The following EPS8 variants were observed in gnomAD, a reference collection of about 807,000 sequenced individuals.
The protein encoded by EPS8 is EGFR pathway substrate 8, signaling adaptor.
Under a neutral mutation model 103.8 loss-of-function variants are expected in EPS8, and 42 were observed. The observed-to-expected ratio is 0.40, with a 90% CI of 0.32 to 0.52. The LOEUF (loss-of-function observed/expected upper bound fraction) is 0.52, where lower values mean the gene tolerates loss of function less well. Among genes scored for constraint, EPS8 ranks in the 20% least tolerant of loss-of-function variants. The pLI, the probability that EPS8 is intolerant of heterozygous loss-of-function variation, is 0.40. For missense variants in EPS8, 969 were observed against 1,005.1 expected, an observed-to-expected ratio of 0.96 and a Z score of 0.49; for synonymous variants, 344 against 344.6, an observed-to-expected ratio of 1.00 and a Z score of 0.02.
intron 14 of EPS8, 115 bp downstream of exon 14, chr12:15,650,708 C>CT: frequency 1.1e-6 from 1 of 885,606 alleles, no homozygotes; most frequent in South Asian, 1.8e-5. Flanking sequence ...AACATTCAGA[C>CT]TTTGATTCTA....
At chr12:15,631,155 T>C (rs1469052035) in intron 18 of EPS8, among the ~76,000 whole-genome samples, 2 of 152,198 alleles carry the variant, frequency 1.3e-5, no homozygotes, top group African/African-American at 4.8e-5. Context: ...CTGGCAAGTG[T>C]TGTTTTGGTA....
At chr12:15,666,072 TAGTC>T (rs1212611701) in intron 7 of EPS8, among the ~76,000 whole-genome samples, 180 bp from the exon 8 acceptor site, 6 of 152,194 alleles carry the variant, frequency 3.9e-5, no homozygotes, top group African/African-American at 7.2e-5. Flanking sequence ...AAAAAATTAA[TAGTC>T]AGCTGAAAAC....
chr12:15,638,286 A>C (rs1945171051), intron 17 of EPS8, among the ~76,000 whole-genome samples: 1 of 152,102 alleles, frequency 6.6e-6, no homozygotes, highest in Non-Finnish European at 1.5e-5. Context: ...TTTTTAAAGA[A>C]TATATTATAA....
At chr12:15,654,106 A>C in intron 13 of EPS8, 39 bp downstream of exon 13, 1 of 1,582,482 alleles carries the variant, frequency 6.3e-7, no homozygotes, top group South Asian at 1.1e-5. Context: ...TAATTAACAA[A>C]GAATGGTACT....
At chr12:15,710,532 A>T (rs562668182) in intron 1 of EPS8, among the ~76,000 whole-genome samples, 2 of 152,324 alleles carry the variant, frequency 1.3e-5, no homozygotes, top group African/African-American at 4.8e-5. Flanking sequence ...TTTAGAAAAT[A>T]TATTGAGCAT....
chr12:15,749,655 G>T lies in EPS8; in HGVS notation c.-22+39506C>A, dbSNP rs1946910969. 6.6e-6 allele frequency among the ~76,000 whole-genome samples: 1 copy of T among 152,110 alleles called. No homozygotes were observed. Among genetic ancestry groups the T allele is most frequent in the African/African-American group, 2.4e-5 (1 of 41,402 alleles). On this transcript the variant is annotated intron_variant, in intron 1 of 20. Coordinates refer to ENST00000281172, the MANE Select transcript of EPS8 (RefSeq NM_004447.6). This position sits in a 1 kb window ranked among gnomAD's most constrained non-coding sequence, Gnocchi z 4.0. ...ATTATGATAGTGGTAGTGGTAGGAA[G>T]AAAAATTAACCTAATCAAAACAACA...
intron 1 of EPS8, among the ~76,000 whole-genome samples, chr12:15,726,852 A>G (rs565521026): frequency 1.3e-5 from 2 of 152,326 alleles, no homozygotes; most frequent in African/African-American, 4.8e-5. Context: ...TGAAGCAGAA[A>G]TGATTACTCC....
intron 20 of EPS8, among the ~76,000 whole-genome samples, chr12:15,622,583 T>C (rs927297147): frequency 7.9e-5 from 12 of 152,178 alleles, no homozygotes; most frequent in African/African-American, 2.7e-4. Flanking sequence ...AATAGGATAT[T>C]GGAAGCTTAA....
chr12:15,708,822 A>G (rs1946422740), intron 1 of EPS8, among the ~76,000 whole-genome samples: 1 of 152,242 alleles, frequency 6.6e-6, no homozygotes, highest in African/African-American at 2.4e-5. Context: ...TGTAGTCACT[A>G]TCTACAAAGC....
At chr12:15,627,860 A>G (rs1446159768) in intron 18 of EPS8, among the ~76,000 whole-genome samples, 4 of 152,204 alleles carry the variant, frequency 2.6e-5, no homozygotes, top group African/African-American at 9.6e-5. Flanking sequence ...TTCAAGAAAT[A>G]AGAACAATCT....
At chr12:15,650,409 A>G (rs1945391547) in intron 14 of EPS8, among the ~76,000 whole-genome samples, 1 of 152,204 alleles carries the variant, frequency 6.6e-6, no homozygotes, top group South Asian at 2.1e-4. Context: ...AAGACAGGTT[A>G]GAGGATCTAG....
At chr12:15,691,197 G>T (rs2135914117) in intron 1 of EPS8, among the ~76,000 whole-genome samples, 1 of 150,310 alleles carries the variant, frequency 6.7e-6, no homozygotes, top group South Asian at 2.1e-4. Flanking sequence ...CTAGATTAGG[G>T]GTGGATCTAG....
In EPS8 at chr12:15,728,338, GTA is replaced by G. The variant is rs1174087579; in HGVS notation, c.-21-45368_-21-45367del. 1.3e-5 allele frequency: 2 copies of G among 152,174 alleles called. No homozygotes were observed. Among genetic ancestry groups the G allele is most frequent in the African/African-American group, 4.8e-5 (2 of 41,430 alleles). 9.4% of individuals were successfully genotyped at this position (152,174 alleles called of 1,614,324 possible). On this transcript the variant is annotated intron_variant, in intron 1 of 20. Coordinates refer to ENST00000281172, the MANE Select transcript of EPS8 (RefSeq NM_004447.6). This position sits in a 1 kb window ranked among gnomAD's most constrained non-coding sequence, Gnocchi z 4.5. ...GGGGGTGCCTTGTGGGTGTATGTGT[GTA>G]TATAACTTATCCAGTGTCCTTGCCA...
intron 1 of EPS8, among the ~76,000 whole-genome samples, chr12:15,703,309 A>G (rs1292417018): frequency 4.6e-5 from 7 of 152,206 alleles, no homozygotes; most frequent in Admixed American, 4.6e-4. Context: ...TAGATATACA[A>G]ACAGATAATT....
In EPS8 at chr12:15,706,490, C is replaced by T. The variant is rs1946388902; in HGVS notation, c.-21-23518G>A. Among the ~76,000 whole-genome samples the T allele has an allele frequency of 6.6e-6, 1 of 152,180 alleles. No homozygotes were observed. The highest frequency in any genetic ancestry group is 2.4e-5 in the African/African-American group (1 of 41,434). ...ACTCCCAATCTATCCTAGATTTCTA[C>T]ATTACATGTTTTCACAGCACTCTGA... is the stretch of plus-strand genomic sequence containing the variant. On this transcript the variant is annotated intron_variant, in intron 1 of 20. Coordinates refer to ENST00000281172, the MANE Select transcript of EPS8 (RefSeq NM_004447.6). This position sits in a 1 kb window ranked among gnomAD's most constrained non-coding sequence, Gnocchi z 5.2.
In EPS8 at chr12:15,654,130, G is replaced by GT; in HGVS notation, c.1250+14dup. The GT allele has an allele frequency of 6.2e-7, 1 of 1,610,784 alleles. No homozygotes were observed. The highest frequency in any genetic ancestry group is 8.5e-7 in the Non-Finnish European group (1 of 1,177,252). On this transcript the variant is annotated intron_variant, in intron 13 of 20. Transcript: ENST00000281172. ...AAGAATGGTACTTAAGGCATTATAGGTGGTAAATGCTTACCTGGCTTTCAT... is the reference window on the plus strand; with the variant it reads ...AAGAATGGTACTTAAGGCATTATAGGTTGGTAAATGCTTACCTGGCTTTCAT...
rs113232811 is a variant in EPS8 at position 15,675,243 on chromosome 12, T to C, written c.137-4320A>G. 1.1e-4 allele frequency among the ~76,000 whole-genome samples: 16 copies of C among 152,280 alleles called. 1 individual carries two copies. The highest frequency in any genetic ancestry group is 3.8e-4 in the African/African-American group (16 of 41,572). ...CCTCCTTGAGAAGAAAATACAAAGA[T>C]AGAAAAACAGAAATATATTTTCCTA... On this transcript the variant is annotated intron_variant, in intron 3 of 20. Coordinates refer to ENST00000281172, the MANE Select transcript of EPS8 (RefSeq NM_004447.6).
chr12:15,663,341 G>A (rs577245690), intron 8 of EPS8, among the ~76,000 whole-genome samples: 2 of 152,252 alleles, frequency 1.3e-5, no homozygotes, highest in African/African-American at 4.8e-5. Context: ...ACCTTTGGAA[G>A]TCAGGGGTAG....
intron 12 of EPS8, chr12:15,657,798 T>C (rs938780975): frequency 2.0e-4 from 65 of 332,266 alleles, no homozygotes; most frequent in African/African-American, 1.4e-3. Context: ...TATACTAGTA[T>C]ACGTTGAAAT....
Sources: gnomAD v4.1 joint callset for allele counts (sites outside exome capture counted in the v4.1 genomes callset) on GRCh38, gnomAD v4.1.1 for gene constraint, Gnocchi (gnomAD v3.1) non-coding constraint, MANE v1.5 for transcripts, NCBI Gene and HGNC (gene_info 2026-07-23, HGNC 2026-07-21) for gene names.